Variants in COL19A1 observed in about 807,000 individuals in gnomAD.
The protein encoded by COL19A1 is collagen type XIX alpha 1 chain, also known as collagen alpha-1(XIX) chain.
A neutral mutation model predicts 190.2 loss-of-function variants in COL19A1; 159 were observed. The observed-to-expected ratio is 0.84, with a 90% CI of 0.73 to 0.95. The LOEUF is 0.95. COL19A1 is among the 40% of genes least tolerant of loss of function. COL19A1 has a pLI of 0.00. For synonymous variants in COL19A1, 509 were observed against 458.9 expected (o/e 1.11, Z -1.39); for missense variants, 1,418 against 1,431.9 (o/e 0.99, Z 0.16).
chr6:69,966,222 TG>T (rs1266647608), intron 11 of COL19A1, among the ~76,000 whole-genome samples: 1 of 151,966 alleles, frequency 6.6e-6, no homozygotes, highest in Non-Finnish European at 1.5e-5. Flanking sequence ...CCGCCCCGTC[TG>T]GGAAGTGAGG....
intron 12 of COL19A1, among the ~76,000 whole-genome samples, chr6:70,033,119 C>A (rs1779159943): frequency 6.6e-6 from 1 of 151,800 alleles, no homozygotes; most frequent in Admixed American, 6.6e-5. Context: ...GTTTTTTTTG[C>A]CAATTAGGTA....
At chr6:70,095,244 T>C (rs1446086529) in intron 15 of COL19A1, among the ~76,000 whole-genome samples, 1 of 152,220 alleles carries the variant, frequency 6.6e-6, no homozygotes, top group Non-Finnish European at 1.5e-5. Flanking sequence ...TTTTCCATTG[T>C]ATGAATAAAC....
chr6:70,192,481 T>TTC (rs35629398), intron 48 of COL19A1, among the ~76,000 whole-genome samples: 54,940 of 150,802 alleles, frequency 0.36, 10,144 homozygotes, highest in Middle Eastern at 0.48. Context: ...CTTTCTTTAT[T>TTC]TCTCTCTCTC....
chr6:69,867,006 G>A (rs1414555880), intron 1 of COL19A1, among the ~76,000 whole-genome samples: 1 of 152,084 alleles, frequency 6.6e-6, no homozygotes, highest in African/African-American at 2.4e-5. Flanking sequence ...GCTGATGCGG[G>A]TAGGGACAGA....
At chr6:69,885,122 C>T (rs1768828147) in intron 2 of COL19A1, among the ~76,000 whole-genome samples, 1 of 152,144 alleles carries the variant, frequency 6.6e-6, no homozygotes, top group Admixed American at 6.5e-5. Flanking sequence ...CCTTGGCCTC[C>T]CAAAGTGCTG....
chr6:69,982,027 A>C (rs915118597), intron 11 of COL19A1, among the ~76,000 whole-genome samples: 4 of 152,176 alleles, frequency 2.6e-5, no homozygotes, highest in Non-Finnish European at 5.9e-5. Context: ...TAATGCCAGG[A>C]TTGTTGCCAT....
At chr6:70,188,365 A>C in intron 47 of COL19A1, 120 bp downstream of exon 47, 2 of 1,186,070 alleles carry the variant, frequency 1.7e-6, no homozygotes, top group Non-Finnish European at 2.3e-6. Context: ...GGTCCCCGTG[A>C]GGGCAATAAT....
intron 12 of COL19A1, among the ~76,000 whole-genome samples, chr6:70,031,137 C>G (rs1306154168): frequency 1.3e-5 from 2 of 152,130 alleles, no homozygotes; most frequent in African/African-American, 2.4e-5. Context: ...ACTTAACCCC[C>G]TACTCCTTAC....
chr6:70,199,749 G>C lies in COL19A1; in HGVS notation c.3223+13G>C. On this transcript the variant is annotated intron_variant, in intron 49 of 50. Coordinates refer to ENST00000620364, the MANE Select transcript of COL19A1 (RefSeq NM_001858.6). ...CCTGGACCCCAAGGTAAGTCTTCAAGTGTAATATTGGCTTATTGATTTTTA... is the reference window on the plus strand; with the variant it reads ...CCTGGACCCCAAGGTAAGTCTTCAACTGTAATATTGGCTTATTGATTTTTA... The C allele has an allele frequency of 6.3e-7, 1 of 1,592,102 alleles. No homozygotes were observed. The highest frequency in any genetic ancestry group is 8.5e-7 in the Non-Finnish European group (1 of 1,170,352).
chr6:70,211,259 T>G lies in COL19A1; in HGVS notation c.*3985T>G, dbSNP rs550456858. On this transcript the variant is annotated 3_prime_UTR_variant, in exon 51 of 51. Coordinates refer to ENST00000620364, the MANE Select transcript of COL19A1 (RefSeq NM_001858.6). ...AGTACCGTTTTTATTTTCATAACAC[T>G]AATAATACACTGGGATTGAGAATTT... Among the ~76,000 whole-genome samples, 3 of 152,248 alleles carry G rather than the reference T, an allele frequency of 2.0e-5. No homozygotes were observed. The highest frequency in any genetic ancestry group is 2.1e-4 in the South Asian group (1 of 4,814).
At chr6:70,191,999 A>C (rs1766902906) in intron 48 of COL19A1, among the ~76,000 whole-genome samples, 1 of 152,178 alleles carries the variant, frequency 6.6e-6, no homozygotes, top group Non-Finnish European at 1.5e-5. Flanking sequence ...GTAGAGTAAC[A>C]CTGGGACTTG....
intron 16 of COL19A1, among the ~76,000 whole-genome samples, chr6:70,112,967 G>C (rs964293317): frequency 6.6e-6 from 1 of 152,208 alleles, no homozygotes; most frequent in Non-Finnish European, 1.5e-5. Context: ...AATGTCCAAA[G>C]TGGCAGATGT....
chr6:69,955,232 C>T (rs1165974685), intron 9 of COL19A1, among the ~76,000 whole-genome samples: 2 of 152,098 alleles, frequency 1.3e-5, no homozygotes, highest in African/African-American at 4.8e-5. Context: ...GTGGGTTCTA[C>T]AACATTGACT....
chr6:70,054,443 C>A (rs556737736), intron 14 of COL19A1, among the ~76,000 whole-genome samples: 92 of 152,248 alleles, frequency 6.0e-4, no homozygotes, highest in African/African-American at 2.1e-3. Context: ...TTCAGAAAAG[C>A]TTCTGTTAAC....
chr6:70,147,697 GA>G (rs1245127019), intron 27 of COL19A1, among the ~76,000 whole-genome samples: 1 of 152,034 alleles, frequency 6.6e-6, no homozygotes, highest in Non-Finnish European at 1.5e-5. Context: ...GACATCAACT[GA>G]ATGTTCTATT....
At chr6:70,082,143 T>C (rs549438491) in intron 15 of COL19A1, among the ~76,000 whole-genome samples, 2 of 152,346 alleles carry the variant, frequency 1.3e-5, no homozygotes, top group East Asian at 1.9e-4. Context: ...AATTCTAGAA[T>C]GTTGAATTTA....
At chr6:70,012,139 A>G in intron 11 of COL19A1, among the ~76,000 whole-genome samples, 1 of 2,340 alleles carries the variant, frequency 4.3e-4, no homozygotes, top group Non-Finnish European at 5.9e-4. Flanking sequence ...GAAATAAAAT[A>G]CTTTATAGAC....
chr6:69,999,499 A>T (rs1777118282), intron 11 of COL19A1, among the ~76,000 whole-genome samples: 1 of 152,098 alleles, frequency 6.6e-6, no homozygotes, highest in Non-Finnish European at 1.5e-5. Context: ...GTATCATTGC[A>T]CTCCAGCCTG....
intron 11 of COL19A1, among the ~76,000 whole-genome samples, chr6:69,974,806 CTTTTTT>C (rs35518948): frequency 2.1e-5 from 2 of 93,070 alleles, no homozygotes; most frequent in East Asian, 3.1e-4. Context: ...AGACAGCTTC[CTTTTTT>C]TTTTTTTTTT....
Sources: gnomAD v4.1 joint callset for allele counts (sites outside exome capture counted in the v4.1 genomes callset) on GRCh38, gnomAD v4.1.1 for gene constraint, MANE v1.5 for transcripts, NCBI Gene and HGNC (gene_info 2026-07-23, HGNC 2026-07-21) for gene names.